The following GLP2R variants were observed in gnomAD, a reference collection of about 807,000 sequenced individuals.
GLP2R encodes glucagon like peptide 2 receptor.
GLP2R carries 59 observed loss-of-function variants against 68.2 expected under a neutral mutation model. The ratio of observed to expected loss-of-function variants is 0.87; its 90% CI spans 0.70 to 1.07. The LOEUF is 1.07. Ranked by LOEUF, GLP2R falls within the 50% of genes least tolerant of loss-of-function variation. GLP2R has a pLI of 0.00. For missense variants in GLP2R, 548 were observed against 677.4 expected (o/e 0.81, Z 2.12); for synonymous variants, 270 against 265.4 (o/e 1.02, Z -0.17).
Position 9,847,267 on chromosome 17 carries a change from A to AT in GLP2R, c.504+4660dup, listed in dbSNP as rs201801406. ...ATTCATTGTAAATTTACATCATTTA[A>AT]TTTTTTTTTCTTTTTTTTTGAAACG... On this transcript the variant is annotated intron_variant, in intron 4 of 12. Coordinates refer to ENST00000262441, the MANE Select transcript of GLP2R (RefSeq NM_004246.3). Among the ~76,000 whole-genome samples, 256 of 148,192 alleles carry AT rather than the reference A, an allele frequency of 1.7e-3. 1 individual carries two copies. The East Asian group carries it at 0.022, about 13-fold the overall frequency.
chr17:9,872,146 C>A (rs551306693), intron 10 of GLP2R, among the ~76,000 whole-genome samples: 1 of 152,220 alleles, frequency 6.6e-6, no homozygotes, highest in Non-Finnish European at 1.5e-5. Context: ...GAGGTGGGCA[C>A]GAGTGAAGAT....
Position 9,857,565 on chromosome 17 carries a change from T to C in GLP2R, c.754T>C (p.Tyr252His). 6.2e-7 allele frequency: 1 copy of C among 1,614,186 alleles called. No homozygotes were observed. Among genetic ancestry groups the C allele is most frequent in the Non-Finnish European group, 8.5e-7 (1 of 1,180,004 alleles). ...RPDNENGWMS[Y>H]LSEMSTSCRS... is the part of the protein sequence containing the mutation. Reference sequence around the variant, plus strand: ...TGACAATGAGAATGGGTGGATGTCCTACCTGTCAGAGGTAATCCCCTTCCC... The same window carrying C: ...TGACAATGAGAATGGGTGGATGTCCCACCTGTCAGAGGTAATCCCCTTCCC... The change falls in exon 6 of 13, where the codon TAC (tyrosine) becomes CAC (histidine). Residue 252 changes from tyrosine (Y) to histidine (H), a missense_variant. Tyr to His is a moderately conservative substitution (Grantham distance 83, BLOSUM62 2). Transcript: ENST00000262441.
In GLP2R at chr17:9,887,940, G is replaced by C; in HGVS notation, c.1293G>C (p.Leu431=). The C allele has an allele frequency of 1.2e-6, 2 of 1,611,702 alleles. No homozygotes were observed. The highest frequency in any genetic ancestry group is 2.2e-5 in the South Asian group (2 of 91,030). The change falls in exon 12 of 13, where the codon CTG becomes CTC. Residue 431 remains leucine, a synonymous_variant. Coordinates refer to ENST00000262441, the MANE Select transcript of GLP2R (RefSeq NM_004246.3). ...TCCTCCTTTTGTTTCAGGGGTTCCT[G>C]GTGGCCTTGCAGTATGGTTTTGCCA... The part of the protein sequence containing the change: ...QLTLSSFHGF[L]VALQYGFANG...
Position 9,842,520 on chromosome 17 carries a change from C to G in GLP2R, c.408C>G (p.His136Gln). 6.2e-7 allele frequency: 1 copy of G among 1,614,174 alleles called. No individual in the cohort carries two copies. Among genetic ancestry groups the G allele is most frequent in the Non-Finnish European group, 8.5e-7 (1 of 1,180,016 alleles). ...SEESSGRAYR[H>Q]CLAQGTWQTI... is the part of the protein sequence containing the mutation. ...AGAGCTCAGGAAGGGCCTACAGACA[C>G]TGCTTGGCTCAGGGGACTTGGCAGA... Residue 136 changes from histidine to glutamine, a missense_variant, in exon 4 of 13, where the codon CAC becomes CAG. Coordinates refer to ENST00000262441, the MANE Select transcript of GLP2R (RefSeq NM_004246.3).
chr17:9,844,447 G>A (rs191234832), intron 4 of GLP2R, among the ~76,000 whole-genome samples: 8 of 151,996 alleles, frequency 5.3e-5, no homozygotes, highest in East Asian at 1.9e-4. Context: ...GGAAGAGAGC[G>A]CCCAGGGGTG....
At chr17:9,852,882 T>G in intron 4 of GLP2R, 2 of 444,266 alleles carry the variant, frequency 4.5e-6, no homozygotes, top group Non-Finnish European at 8.5e-6. Flanking sequence ...TGCTACCACT[T>G]CCAGGGGCAG....
chr17:9,885,985 C>G (rs1326599444), intron 11 of GLP2R, among the ~76,000 whole-genome samples: 1 of 152,112 alleles, frequency 6.6e-6, no homozygotes, highest in East Asian at 1.9e-4. Context: ...CAGGACTGAG[C>G]CAGAAAACAC....
chr17:9,844,738 T>G (rs1457881516), intron 4 of GLP2R, among the ~76,000 whole-genome samples: 1 of 128,036 alleles, frequency 7.8e-6, no homozygotes, highest in Non-Finnish European at 1.6e-5. Context: ...TCACCTAGGC[T>G]GGAGTGCAAT....
At chr17:9,873,061 T>C (rs2067109880) in intron 10 of GLP2R, among the ~76,000 whole-genome samples, 1 of 152,176 alleles carries the variant, frequency 6.6e-6, no homozygotes, top group Non-Finnish European at 1.5e-5. Flanking sequence ...CCAAGCAGTC[T>C]CTCTGGCTCC....
intron 9 of GLP2R, among the ~76,000 whole-genome samples, chr17:9,867,647 A>G (rs1483013411): frequency 2.6e-5 from 4 of 152,204 alleles, no homozygotes; most frequent in Non-Finnish European, 4.4e-5. Context: ...GTCCTGCTCA[A>G]GGACAGCCTT....
In GLP2R at chr17:9,826,145, A is replaced by G. The variant is rs776737249; in HGVS notation, c.82A>G (p.Ile28Val). 6.2e-7 allele frequency: 1 copy of G among 1,612,894 alleles called. No homozygotes were observed. The highest frequency in any genetic ancestry group is 1.1e-5 in the South Asian group (1 of 90,714). The part of the protein sequence containing the change: ...LPGVHELPMG[I>V]PAPWGTSPLS... ...TGGCGTCCACGAGCTGCCCATGGGCATCCCTGCCCCCTGGGGGACCAGTCC... is the reference window on the plus strand; with the variant it reads ...TGGCGTCCACGAGCTGCCCATGGGCGTCCCTGCCCCCTGGGGGACCAGTCC... Residue 28 changes from isoleucine (I) to valine (V), a missense_variant, in exon 1 of 13, where the codon ATC (isoleucine) becomes GTC (valine). Transcript: ENST00000262441.
intron 10 of GLP2R, among the ~76,000 whole-genome samples, chr17:9,878,764 T>C (rs539102131): frequency 2.4e-4 from 37 of 152,304 alleles, no homozygotes; most frequent in Middle Eastern, 3.4e-3. Context: ...GAATGGCCCT[T>C]GCAGACATAG....
chr17:9,858,552 T>G (rs1023558897), intron 6 of GLP2R, among the ~76,000 whole-genome samples: 1 of 152,262 alleles, frequency 6.6e-6, no homozygotes, highest in African/African-American at 2.4e-5. Context: ...GTATTAAAGA[T>G]AAGTATTATT....
chr17:9,844,769 C>T (rs1200194404), intron 4 of GLP2R, among the ~76,000 whole-genome samples: 1 of 137,044 alleles, frequency 7.3e-6, no homozygotes, highest in African/African-American at 2.7e-5. Flanking sequence ...TGGCTCACTG[C>T]AACCTCTGCC....
intron 4 of GLP2R, among the ~76,000 whole-genome samples, chr17:9,852,393 A>G (rs1210913718): frequency 1.3e-5 from 2 of 152,202 alleles, no homozygotes; most frequent in Admixed American, 6.5e-5. Flanking sequence ...CCTGCAAAGG[A>G]CATGAACTCA....
intron 11 of GLP2R, among the ~76,000 whole-genome samples, chr17:9,885,439 T>C (rs1450259167): frequency 6.6e-6 from 1 of 152,020 alleles, no homozygotes; most frequent in African/African-American, 2.4e-5. Context: ...GATTTTCGGC[T>C]GGGGCTGCAA....
At chr17:9,837,540 G>T (rs1218737966) in intron 3 of GLP2R, among the ~76,000 whole-genome samples, 1 of 152,148 alleles carries the variant, frequency 6.6e-6, no homozygotes, top group Admixed American at 6.5e-5. Context: ...AGAACCCTTT[G>T]CATTCACATT....
rs749810328 is a variant in GLP2R at position 9,826,220 on chromosome 17, C to T, written c.157C>T (p.Leu53Phe). 10 of 1,611,644 alleles carry T rather than the reference C, an allele frequency of 6.2e-6. No individual in the cohort carries two copies. The highest frequency in any genetic ancestry group is 7.6e-6 in the Non-Finnish European group (9 of 1,179,290). Residue 53 changes from leucine to phenylalanine, a missense_variant, in exon 1 of 13, where the codon CTC becomes TTC. Leu to Phe is a conservative substitution (Grantham distance 22). Coordinates refer to ENST00000262441, the MANE Select transcript of GLP2R (RefSeq NM_004246.3). ...CSLWAPGRPF[L>F]TLVLLVSIKQ... Reference sequence around the variant, plus strand: ...TCTCTGGGCCCCTGGGAGGCCCTTCCTCACTCTGGTCCTGCTGGTTTCCAT... The same window carrying T: ...TCTCTGGGCCCCTGGGAGGCCCTTCTTCACTCTGGTCCTGCTGGTTTCCAT...
At chr17:9,877,746 G>T (rs1220677277) in intron 10 of GLP2R, among the ~76,000 whole-genome samples, 1 of 151,826 alleles carries the variant, frequency 6.6e-6, no homozygotes, top group Admixed American at 6.6e-5. Flanking sequence ...GCACAGTGGC[G>T]GGCGCCTGTA....
Sources: allele counts gnomAD v4.1 joint callset (sites outside exome capture counted in the v4.1 genomes callset), GRCh38; gene constraint gnomAD v4.1.1; transcripts MANE v1.5; gene names NCBI Gene and HGNC (gene_info 2026-07-23, HGNC 2026-07-21).